Variants in PBX1 observed in about 807,000 individuals in gnomAD.
PBX1 encodes PBX homeobox 1.
A neutral mutation model predicts 53.4 loss-of-function variants in PBX1; 6 were observed. The ratio of observed to expected loss-of-function variants is 0.11; its 90% confidence interval spans 0.06 to 0.22. The LOEUF is 0.22. Among genes scored for constraint, PBX1 ranks in the 10% least tolerant of loss-of-function variants. PBX1 has a pLI of 1.00. For missense variants in PBX1, 251 were observed against 551.4 expected, an observed-to-expected ratio of 0.46 and a Z score of 5.46; for synonymous variants, 204 against 212.3, an observed-to-expected ratio of 0.96 and a Z score of 0.34.
intron 2 of PBX1, among the ~76,000 whole-genome samples, chr1:164,578,578 T>G (rs1654411082): frequency 6.6e-6 from 1 of 152,140 alleles, no homozygotes; most frequent in Admixed American, 6.5e-5. Flanking sequence ...GTTGTGGCCC[T>G]TACCCTCAAG....
At chr1:164,582,259 T>C (rs1654661992) in intron 2 of PBX1, among the ~76,000 whole-genome samples, 2 of 152,172 alleles carry the variant, frequency 1.3e-5, no homozygotes, top group African/African-American at 4.8e-5. Context: ...CTAGAAAGGT[T>C]GGCTACAGAT....
chr1:164,633,174 G>A (rs1435020716), intron 2 of PBX1, among the ~76,000 whole-genome samples: 3 of 150,286 alleles, frequency 2.0e-5, no homozygotes, highest in Admixed American at 2.0e-4. Flanking sequence ...TTTTGAGATG[G>A]ACTTTTGCTC....
intron 2 of PBX1, among the ~76,000 whole-genome samples, chr1:164,756,139 G>C (rs1666507619): frequency 6.6e-6 from 1 of 152,168 alleles, no homozygotes; most frequent in South Asian, 2.1e-4. Flanking sequence ...ATGGCATGGA[G>C]AAGGGGATTA....
chr1:164,875,939 T>C (rs1323805651), intron 2 of PBX1, among the ~76,000 whole-genome samples: 4 of 142,814 alleles, frequency 2.8e-5, no homozygotes, highest in Non-Finnish European at 4.6e-5. Context: ...AATAGATGCG[T>C]TGCAAATGCC....
At chr1:164,653,630 C>T (rs1192432830) in intron 2 of PBX1, among the ~76,000 whole-genome samples, 2 of 152,060 alleles carry the variant, frequency 1.3e-5, no homozygotes, top group African/African-American at 4.8e-5. Context: ...ATTAGCCAGG[C>T]GTGGTGGTAG....
chr1:164,848,344 T>A lies in PBX1; in HGVS notation c.*1668T>A. On this transcript the variant is annotated 3_prime_UTR_variant, in exon 9 of 9. Coordinates refer to ENST00000420696, the MANE Select transcript of PBX1 (RefSeq NM_002585.4). ...GGAGGTGGTCAAATATTTTGGTGCCTCATTTTCTTCATCTGTGAGATGGGA... is the reference window on the plus strand; with the variant it reads ...GGAGGTGGTCAAATATTTTGGTGCCACATTTTCTTCATCTGTGAGATGGGA... The A allele has an allele frequency of 9.5e-7, 1 of 1,057,110 alleles. No homozygotes were observed. The highest frequency in any genetic ancestry group is 1.1e-6 in the Non-Finnish European group (1 of 874,234). 65.5% of individuals were successfully genotyped at this position (1,057,110 alleles called of 1,614,324 possible). A position where few individuals can be genotyped will look rare whatever the true frequency, so the allele number is the denominator to read the frequency against.
intron 2 of PBX1, among the ~76,000 whole-genome samples, chr1:164,870,295 T>TTCTTTCTTTCTTTCTTTCTC (rs1672338403): frequency 2.1e-5 from 1 of 47,298 alleles, no homozygotes; most frequent in Non-Finnish European, 4.2e-5. Flanking sequence ...CTTTCTTTCT[T>TTCTTTCTTTCTTTCTTTCTC]TCTTTCTTTC....
intron 8 of PBX1, 123 bp from the exon 9 acceptor site, chr1:164,846,461 T>A (rs1671572978): frequency 1.2e-6 from 1 of 813,104 alleles, no homozygotes; most frequent in Admixed American, 1.9e-5. Context: ...GCCCATTTGA[T>A]GAGTGTCTCC....
intron 2 of PBX1, among the ~76,000 whole-genome samples, chr1:164,746,899 G>T (rs867499120): frequency 6.6e-5 from 10 of 152,202 alleles, no homozygotes; most frequent in African/African-American, 2.4e-4. Context: ...CTACTCTTCT[G>T]ATGTAGGGCC....
At chr1:164,564,408 G>A (rs919224020) in intron 2 of PBX1, among the ~76,000 whole-genome samples, 5 of 152,072 alleles carry the variant, frequency 3.3e-5, no homozygotes, top group African/African-American at 1.2e-4. Context: ...ATAAAAAATG[G>A]GCGGGGGGAG....
intron 2 of PBX1, among the ~76,000 whole-genome samples, chr1:164,645,586 G>T (rs1210486476): frequency 6.6e-6 from 1 of 152,126 alleles, no homozygotes; most frequent in Middle Eastern, 3.2e-3. Context: ...GAACAAGAGA[G>T]GTGGGAGAAA....
chr1:164,860,764 C>T (rs1389103230), intron 2 of PBX1, among the ~76,000 whole-genome samples: 1 of 152,128 alleles, frequency 6.6e-6, no homozygotes, highest in African/African-American at 2.4e-5. Flanking sequence ...TGTCTTGGCT[C>T]CCCACATAAA....
downstream of PBX1, among the ~76,000 whole-genome samples, chr1:164,852,797 C>A (rs1671888304): frequency 6.6e-6 from 1 of 152,206 alleles, no homozygotes; most frequent in Non-Finnish European, 1.5e-5. Flanking sequence ...CCAAAGTTTA[C>A]AGCTATCTGC....
At chr1:164,838,724 C>A (rs1671159345) in intron 8 of PBX1, among the ~76,000 whole-genome samples, 2 of 152,036 alleles carry the variant, frequency 1.3e-5, no homozygotes, top group Non-Finnish European at 2.9e-5. Flanking sequence ...ATTTGTGTAC[C>A]ACTGTGTATT....
chr1:164,698,287 A>T (rs892408070), intron 2 of PBX1, among the ~76,000 whole-genome samples: 1 of 152,130 alleles, frequency 6.6e-6, no homozygotes, highest in Non-Finnish European at 1.5e-5. Context: ...CTGCTTTACG[A>T]TACAAAGTTG....
intron 8 of PBX1, among the ~76,000 whole-genome samples, chr1:164,827,113 A>T (rs1384952026): frequency 6.6e-6 from 1 of 152,196 alleles, no homozygotes; most frequent in Non-Finnish European, 1.5e-5. Context: ...TACCACGGGG[A>T]TACTTAGTAA....
At chr1:164,726,383 C>T (rs1380855125) in intron 2 of PBX1, among the ~76,000 whole-genome samples, 1 of 152,142 alleles carries the variant, frequency 6.6e-6, no homozygotes, top group Non-Finnish European at 1.5e-5. Context: ...AGACAATGAC[C>T]CTGCTGGCCC....
At chr1:164,702,993 T>C (rs1460097592) in intron 2 of PBX1, 2 of 149,144 alleles carry the variant, frequency 1.3e-5, no homozygotes, top group African/African-American at 4.9e-5. Context: ...GAAAACCTGA[T>C]GTTTGCAAAT....
chr1:164,841,878 C>T (rs1303232976), intron 8 of PBX1, among the ~76,000 whole-genome samples: 1 of 152,130 alleles, frequency 6.6e-6, no homozygotes, highest in Non-Finnish European at 1.5e-5. Context: ...TCCTCACCCA[C>T]GCTGAAGGCA....
Sources: gnomAD v4.1 joint callset for allele counts (sites outside exome capture counted in the v4.1 genomes callset) on GRCh38, gnomAD v4.1.1 for gene constraint, MANE v1.5 for transcripts, NCBI Gene and HGNC (gene_info 2026-07-23, HGNC 2026-07-21) for gene names.